The following MASP1 variants were observed in gnomAD, a reference collection of about 807,000 sequenced individuals.
MASP1 encodes the protein MBL associated serine protease 1.
Under a neutral mutation model 77.1 loss-of-function variants are expected in MASP1, and 59 were observed. The ratio of observed to expected loss-of-function variants is 0.77; its 90% CI spans 0.62 to 0.95. MASP1 has a LOEUF of 0.95. Among genes scored for constraint, MASP1 ranks in the 40% least tolerant of loss-of-function variants. The probability of loss-of-function intolerance (pLI) is 0.00; values close to 1 mark genes in which losing one functional copy is unlikely to be tolerated. For synonymous variants in MASP1, 362 were observed against 354.5 expected (o/e 1.02, Z -0.24); for missense variants, 885 against 912.9 (o/e 0.97, Z 0.39).
chr3:187,274,576 C>A (rs1250736116), intron 2 of MASP1, among the ~76,000 whole-genome samples: 2 of 152,212 alleles, frequency 1.3e-5, no homozygotes, highest in Non-Finnish European at 2.9e-5. Flanking sequence ...CAGTCAATGG[C>A]AGAGCCAGTA....
At chr3:187,267,314 T>TA (rs770329322) in intron 2 of MASP1, among the ~76,000 whole-genome samples, 7 of 152,238 alleles carry the variant, frequency 4.6e-5, no homozygotes, top group Non-Finnish European at 8.8e-5. Context: ...GGAGCCTTTC[T>TA]GAAATCTGCT....
intron 2 of MASP1, among the ~76,000 whole-genome samples, chr3:187,277,268 G>T (rs895540435): frequency 6.6e-6 from 1 of 152,088 alleles, no homozygotes; most frequent in Admixed American, 6.5e-5. Flanking sequence ...GCCCAGGACT[G>T]TGCTTTCTAC....
chr3:187,225,110 A>G (rs1380722987), intron 13 of MASP1, among the ~76,000 whole-genome samples: 1 of 152,102 alleles, frequency 6.6e-6, no homozygotes, highest in East Asian at 1.9e-4. Context: ...TTGTTTTTCT[A>G]TCTGGACCCT....
chr3:187,229,629 C>A, downstream of MASP1: 1 of 1,244,382 alleles, frequency 8.0e-7, no homozygotes, highest in South Asian at 1.3e-5. Flanking sequence ...TAGCCGAGAA[C>A]TCTTTCTACC....
intron 4 of MASP1, among the ~76,000 whole-genome samples, chr3:187,259,064 C>T (rs1715339203): frequency 1.3e-5 from 2 of 152,196 alleles, no homozygotes; most frequent in South Asian, 2.1e-4. Context: ...CTTCGTTCCC[C>T]ACTGCATTTA....
At position 187,234,859 on chromosome 3, in the gene MASP1, T is replaced by G. The variant is rs566003555; in HGVS notation, c.*825A>C. 385 of 1,287,158 alleles carry G rather than the reference T, an allele frequency of 3.0e-4. No individual in the cohort carries two copies. Among genetic ancestry groups the G allele is most frequent in the Non-Finnish European group, 2.7e-4 (270 of 988,718 alleles). 79.7% of individuals were successfully genotyped at this position (1,287,158 alleles called of 1,614,324 possible). ...ATTTCAAGGCTGAAAGATTGCTTTG[T>G]GCTTGTCTGGAGCAGCAGGTGTGGA... On this transcript the variant is annotated 3_prime_UTR_variant, in exon 11 of 11. Transcript: ENST00000296280.
Position 187,250,236 on chromosome 3 carries a change from A to G in MASP1, c.1090+15T>C, listed in dbSNP as rs751797046. On this transcript the variant is annotated intron_variant, in intron 8 of 10. Transcript: ENST00000296280. ...GAGCTCAGTATCTTTATAACAACCCATTAGGCTTTCTTACTTTTACAGGTG... is the reference window on the plus strand; with the variant it reads ...GAGCTCAGTATCTTTATAACAACCCGTTAGGCTTTCTTACTTTTACAGGTG... The G allele has an allele frequency of 1.9e-6, 3 of 1,608,992 alleles. No homozygotes were observed. The highest frequency in any genetic ancestry group is 1.1e-5 in the South Asian group (1 of 90,958).
intron 9 of MASP1, chr3:187,242,004 G>C (rs1417741210): frequency 5.3e-6 from 1 of 187,222 alleles, no homozygotes; most frequent in African/African-American, 2.4e-5. Context: ...GCTGAGGGCT[G>C]CTCCCCTCCC....
Position 187,260,806 on chromosome 3 carries a change from A to G in MASP1, c.482T>C (p.Ile161Thr), listed in dbSNP as rs746905878. The G allele has an allele frequency of 2.5e-6, 4 of 1,614,022 alleles. No individual in the cohort carries two copies. Among genetic ancestry groups the G allele is most frequent in the East Asian group, 2.2e-5 (1 of 44,896 alleles). ...GCGGCAGGAGCAGTAGTAGCCGCCA[A>G]TGTAGTTGTGGCAGTAGTGGTCACA... is the stretch of plus-strand genomic sequence containing the variant. ...LSCDHYCHNYIGGYYCSCRFG... is the reference protein window; with the variant it reads ...LSCDHYCHNYTGGYYCSCRFG... The change falls in exon 4 of 11, where the codon ATT (isoleucine) becomes ACT (threonine). Residue 161 changes from isoleucine to threonine, a missense_variant. Transcript: ENST00000296280.
chr3:187,247,364 C>T (rs1365805047), intron 8 of MASP1: 1 of 1,613,978 alleles, frequency 6.2e-7, no homozygotes, highest in East Asian at 2.2e-5. Flanking sequence ...CTTGAGTTCG[C>T]TCTCCAGATC....
chr3:187,217,638 G>A (rs1711841632), exon 16 of MASP1: 1 of 152,196 alleles, frequency 6.6e-6, no homozygotes, highest in Non-Finnish European at 1.5e-5. Flanking sequence ...AGTTAGACAA[G>A]GTTGTTGTCC....
intron 2 of MASP1, among the ~76,000 whole-genome samples, chr3:187,278,835 T>A (rs1431183374): frequency 3.3e-5 from 5 of 152,176 alleles, no homozygotes; most frequent in Non-Finnish European, 7.3e-5. Context: ...ATATCCAATC[T>A]ATTTAGCACA....
chr3:187,260,611 T>C (rs1001127094), intron 4 of MASP1, 130 bp downstream of exon 4: 6 of 1,243,222 alleles, frequency 4.8e-6, no homozygotes, highest in Non-Finnish European at 7.0e-6. Context: ...ATCCATGTGG[T>C]GTCTGAGGTG....
At chr3:187,220,788 G>T (rs1023718306) in intron 15 of MASP1, among the ~76,000 whole-genome samples, 1 of 152,164 alleles carries the variant, frequency 6.6e-6, no homozygotes, top group Non-Finnish European at 1.5e-5. Flanking sequence ...ATGAACCACC[G>T]TGCCCGGCCA....
At chr3:187,268,360 G>A (rs942524270) in intron 2 of MASP1, among the ~76,000 whole-genome samples, 1 of 151,878 alleles carries the variant, frequency 6.6e-6, no homozygotes, top group African/African-American at 2.4e-5. Flanking sequence ...TGCGGCATGT[G>A]CCTGTAGTCC....
At chr3:187,257,891 G>A (rs990131644) in intron 4 of MASP1, among the ~76,000 whole-genome samples, 1 of 152,144 alleles carries the variant, frequency 6.6e-6, no homozygotes, top group Admixed American at 6.5e-5. Context: ...TGGAGTGGTA[G>A]GTTAGACACT....
In MASP1 at chr3:187,235,484, G is replaced by A; in HGVS notation, c.*200C>T. 2.0e-6 allele frequency: 3 copies of A among 1,524,874 alleles called. No homozygotes were observed. Among genetic ancestry groups the A allele is most frequent in the South Asian group, 1.2e-5 (1 of 83,018 alleles). 94.5% of individuals were successfully genotyped at this position (1,524,874 alleles called of 1,614,324 possible). The stretch of plus-strand genomic sequence containing the variant: ...GGGAAAGAGACTTGGACAAGCTCAG[G>A]AACACAGGTCTCCTGCCTGGAGCCT... On this transcript the variant is annotated 3_prime_UTR_variant, in exon 11 of 11. Coordinates refer to ENST00000296280, the MANE Select transcript of MASP1 (RefSeq NM_139125.4).
chr3:187,247,238 G>C, intron 8 of MASP1: 1 of 1,608,952 alleles, frequency 6.2e-7, no homozygotes, highest in Non-Finnish European at 8.5e-7. Flanking sequence ...GGGCACGGGG[G>C]TGTTGTGGGT....
At chr3:187,259,363 TG>T (rs768823519) in intron 4 of MASP1, among the ~76,000 whole-genome samples, 1 of 152,134 alleles carries the variant, frequency 6.6e-6, no homozygotes, top group Non-Finnish European at 1.5e-5. Flanking sequence ...AGCATTCTCA[TG>T]GGGGCGATCT....
Sources: gnomAD v4.1 joint callset for allele counts (sites outside exome capture counted in the v4.1 genomes callset) on GRCh38, gnomAD v4.1.1 for gene constraint, MANE v1.5 for transcripts, NCBI Gene and HGNC (gene_info 2026-07-23, HGNC 2026-07-21) for gene names.